TSGA10: variants seen among roughly 807,000 people sequenced by gnomAD.
TSGA10 encodes the protein testis specific 10.
A neutral mutation model predicts 96.6 loss-of-function variants in TSGA10; 43 were observed. That is an observed-to-expected ratio of 0.44 (90% CI 0.35 to 0.57). The LOEUF is 0.57. Among genes scored for constraint, TSGA10 ranks in the 20% least tolerant of loss-of-function variants. The pLI, the probability that TSGA10 is intolerant of heterozygous loss-of-function variation, is 0.01. For synonymous variants in TSGA10, 229 were observed against 269.9 expected (o/e 0.85, Z 1.48); for missense variants, 703 against 834.4 (o/e 0.84, Z 1.94).
In TSGA10 at chr2:99,026,207, G is replaced by A. The variant is rs548020147; in HGVS notation, c.1615-5725C>T. 4.6e-5 allele frequency among the ~76,000 whole-genome samples: 7 copies of A among 152,142 alleles called. No individual in the cohort carries two copies. In the South Asian group the frequency reaches 1.5e-3, roughly 32 times the overall value. ...ATTGACATCTGCAACTATTACTGTTGAACTGTTTATTTACAGCTCAATACA... is the reference window on the plus strand; with the variant it reads ...ATTGACATCTGCAACTATTACTGTTAAACTGTTTATTTACAGCTCAATACA... On this transcript the variant is annotated intron_variant, in intron 17 of 20. Coordinates refer to ENST00000393483, the MANE Select transcript of TSGA10 (RefSeq NM_025244.4).
At chr2:99,092,046 T>C (rs911530269) in intron 10 of TSGA10, among the ~76,000 whole-genome samples, 1 of 152,104 alleles carries the variant, frequency 6.6e-6, no homozygotes, top group African/African-American at 2.4e-5. Context: ...CAAACAAGTC[T>C]CAATAAATTT....
chr2:99,119,632 T>G (rs2092468133), intron 2 of TSGA10, among the ~76,000 whole-genome samples: 1 of 152,198 alleles, frequency 6.6e-6, no homozygotes, highest in African/African-American at 2.4e-5. Context: ...TACGTGCCTT[T>G]TTTGGAAACC....
intron 17 of TSGA10, among the ~76,000 whole-genome samples, chr2:99,027,865 A>G (rs148427705): frequency 4.7e-4 from 72 of 152,282 alleles, no homozygotes; most frequent in Non-Finnish European, 8.5e-4. Flanking sequence ...TTGTTGTTGA[A>G]AACCAGAAAT....
chr2:99,052,534 T>G (rs1034361802), intron 16 of TSGA10, among the ~76,000 whole-genome samples: 1 of 151,776 alleles, frequency 6.6e-6, no homozygotes, highest in African/African-American at 2.4e-5. Context: ...GTCAGGAGAT[T>G]GAGACCATCC....
intron 10 of TSGA10, among the ~76,000 whole-genome samples, chr2:99,097,026 C>A (rs533222485): frequency 6.6e-6 from 1 of 152,098 alleles, no homozygotes; most frequent in Admixed American, 6.5e-5. Flanking sequence ...CAGATACAGG[C>A]AAAATTTACC....
intron 20 of TSGA10, among the ~76,000 whole-genome samples, chr2:98,999,708 T>A (rs1028509755): frequency 7.9e-5 from 12 of 152,212 alleles, no homozygotes; most frequent in African/African-American, 2.7e-4. Context: ...AACAGTCATA[T>A]CAATAATGTA....
intron 1 of TSGA10, among the ~76,000 whole-genome samples, chr2:99,139,549 T>C (rs1181895444): frequency 2.0e-5 from 3 of 152,232 alleles, no homozygotes; most frequent in African/African-American, 7.2e-5. Context: ...CTTATAGACA[T>C]TGAAGTAGAA....
At chr2:99,013,394 G>A (rs572184874) in intron 20 of TSGA10, among the ~76,000 whole-genome samples, 5 of 152,032 alleles carry the variant, frequency 3.3e-5, no homozygotes, top group Non-Finnish European at 7.4e-5. Flanking sequence ...ATGCTGTGGC[G>A]CAATCTCGGC....
intron 20 of TSGA10, among the ~76,000 whole-genome samples, chr2:99,002,985 A>C (rs2078078589): frequency 6.6e-6 from 1 of 151,790 alleles, no homozygotes; most frequent in Admixed American, 6.6e-5. Flanking sequence ...CAGCCTTCTG[A>C]GTAGCTGAGA....
Position 99,003,614 on chromosome 2 carries a change from T to A in TSGA10, c.2073-5393A>T, listed in dbSNP as rs960438517. ...TAACAAACTGTCTCTCTGACCATAGTGCAATCAATCAAATTAGAACTCAGG... is the reference window on the plus strand; with the variant it reads ...TAACAAACTGTCTCTCTGACCATAGAGCAATCAATCAAATTAGAACTCAGG... On this transcript the variant is annotated intron_variant, in intron 20 of 20. Coordinates refer to ENST00000393483, the MANE Select transcript of TSGA10 (RefSeq NM_025244.4). 7.2e-5 allele frequency among the ~76,000 whole-genome samples: 11 copies of A among 152,340 alleles called. No individual in the cohort carries two copies. The South Asian group carries it at 2.3e-3, about 32-fold the overall frequency.
At chr2:99,103,886 A>C in intron 10 of TSGA10, 81 bp downstream of exon 10, 2 of 1,485,492 alleles carry the variant, frequency 1.3e-6, no homozygotes, top group Non-Finnish European at 9.1e-7. Context: ...TCAACAAATA[A>C]TTTTCATTAT....
At chr2:99,048,722 T>C (rs1172032693) in intron 16 of TSGA10, among the ~76,000 whole-genome samples, 8 of 152,062 alleles carry the variant, frequency 5.3e-5, no homozygotes, top group Non-Finnish European at 1.2e-4. Flanking sequence ...AAAGCCAAAA[T>C]TGACAAATGG....
chr2:99,081,667 G>C (rs1558953054), intron 10 of TSGA10, among the ~76,000 whole-genome samples: 1 of 152,142 alleles, frequency 6.6e-6, no homozygotes, highest in Non-Finnish European at 1.5e-5. Flanking sequence ...AGAGCAATCA[G>C]ATTAGGAACT....
At position 99,118,538 on chromosome 2, in the gene TSGA10, A is replaced by C; in HGVS notation, c.-356+13T>G. The C allele has an allele frequency of 1.0e-6, 1 of 976,400 alleles. No individual in the cohort carries two copies. Among genetic ancestry groups the C allele is most frequent in the Non-Finnish European group, 1.2e-6 (1 of 822,068 alleles). 60.5% of individuals were successfully genotyped at this position (976,400 alleles called of 1,614,324 possible). On this transcript the variant is annotated intron_variant, in intron 3 of 20. Transcript: ENST00000393483. ...CTTTTTAAAAAGTCCTTTTGAAAGT[A>C]TCAGTAACTTACTTGACTAAGCTAA...
intron 1 of TSGA10, among the ~76,000 whole-genome samples, chr2:99,133,499 T>C (rs781617661): frequency 5.3e-5 from 8 of 152,232 alleles, no homozygotes; most frequent in Non-Finnish European, 7.3e-5. Flanking sequence ...GAGATGGGTC[T>C]CCTGAATACA....
intron 1 of TSGA10, among the ~76,000 whole-genome samples, chr2:99,151,686 G>T (rs2093695615): frequency 6.6e-6 from 1 of 151,954 alleles, no homozygotes; most frequent in African/African-American, 2.4e-5. Context: ...ATTTTAAATC[G>T]TGCCTTTAAA....
At chr2:99,074,012 T>TTTTTTTTTTTTTTTTTTTTTTTG in intron 12 of TSGA10, among the ~76,000 whole-genome samples, 1 of 115,414 alleles carries the variant, frequency 8.7e-6, no homozygotes. Flanking sequence ...TTTTTTTTTT[T>TTTTTTTTTTTTTTTTTTTTTTTG]TTTTTTTTTT....
At chr2:99,136,796 CTCAAAAAAAAAAAAAAAAAAAAAAA>C (rs2105069438) in intron 1 of TSGA10, among the ~76,000 whole-genome samples, 1 of 3,254 alleles carries the variant, frequency 3.1e-4, no homozygotes, top group African/African-American at 4.8e-4. Context: ...GAGACTCCAT[CTCAAAAAAAAAAAAAAAAAAAAAAA>C]AAAAAAAAAA....
At chr2:99,042,423 T>C (rs2082287613) in intron 16 of TSGA10, among the ~76,000 whole-genome samples, 2 of 152,086 alleles carry the variant, frequency 1.3e-5, no homozygotes, top group Non-Finnish European at 2.9e-5. Context: ...GCCCAGCAGG[T>C]AGCACGGAGA....
Sources: gnomAD v4.1 joint callset for allele counts (sites outside exome capture counted in the v4.1 genomes callset) on GRCh38, gnomAD v4.1.1 for gene constraint, MANE v1.5 for transcripts, NCBI Gene and HGNC (gene_info 2026-07-23, HGNC 2026-07-21) for gene names.